TASP1: variants seen among roughly 807,000 people sequenced by gnomAD.
TASP1 encodes the protein taspase 1.
Under a neutral mutation model 56.6 loss-of-function variants are expected in TASP1, and 16 were observed. The observed-to-expected ratio is 0.28, with a 90% confidence interval of 0.19 to 0.43. The LOEUF (loss-of-function observed/expected upper bound fraction) is 0.43, where lower values mean the gene tolerates loss of function less well. Ranked by LOEUF, TASP1 falls within the 20% of genes least tolerant of loss-of-function variation. The probability of loss-of-function intolerance (pLI) is 1.00; values close to 1 mark genes in which losing one functional copy is unlikely to be tolerated. For synonymous variants in TASP1, 179 were observed against 184.2 expected, an observed-to-expected ratio of 0.97 and a Z score of 0.23; for missense variants, 393 against 511.6, an observed-to-expected ratio of 0.77 and a Z score of 2.24.
At chr20:13,207,852 C>T in the TASP1 span, among the ~76,000 whole-genome samples, 54 of 152,246 alleles carry the variant, frequency 3.5e-4, no homozygotes, top group East Asian at 9.6e-3. Flanking sequence ...TAAAATCAAT[C>T]ATCACATATC....
At chr20:13,604,812 T>C (rs1184585868) in intron 4 of TASP1, among the ~76,000 whole-genome samples, 17 of 152,136 alleles carry the variant, frequency 1.1e-4, no homozygotes. Context: ...GAAATCTGAA[T>C]GAATTATATA....
At chr20:13,330,334 C>T in the TASP1 span, among the ~76,000 whole-genome samples, 1 of 152,170 alleles carries the variant, frequency 6.6e-6, no homozygotes, top group Non-Finnish European at 1.5e-5. Context: ...TGTGGAATTA[C>T]ATTGATTGAT....
intron 11 of TASP1, among the ~76,000 whole-genome samples, chr20:13,439,353 G>T (rs1018901752): frequency 6.6e-6 from 1 of 152,192 alleles, no homozygotes; most frequent in Non-Finnish European, 1.5e-5. Flanking sequence ...CATGTCCTTT[G>T]CAGGGACATG....
chr20:13,492,048 GA>G (rs1022592066), intron 10 of TASP1, among the ~76,000 whole-genome samples: 7 of 152,264 alleles, frequency 4.6e-5, no homozygotes, highest in African/African-American at 1.7e-4. Flanking sequence ...CCCCAGAGGG[GA>G]AAAAGTGAAG....
At chr20:13,539,405 C>T (rs1471372671) in intron 8 of TASP1, among the ~76,000 whole-genome samples, 1 of 152,030 alleles carries the variant, frequency 6.6e-6, no homozygotes, top group Non-Finnish European at 1.5e-5. Context: ...AAAAACCCAG[C>T]CAGGCATGGT....
chr20:13,409,640 T>C (rs530482545), intron 13 of TASP1, among the ~76,000 whole-genome samples: 63 of 152,154 alleles, frequency 4.1e-4, no homozygotes, highest in Non-Finnish European at 8.7e-4. Flanking sequence ...GATGTGAATA[T>C]ACTCAATATC....
At chr20:13,303,639 C>A in the TASP1 span, among the ~76,000 whole-genome samples, 78 of 152,340 alleles carry the variant, frequency 5.1e-4, no homozygotes, top group African/African-American at 1.9e-3. Context: ...GGCCTGGACT[C>A]CAATCCTGAC....
rs1390421205 is a variant in TASP1, at chr20:13,580,777, C to T, written c.488+120G>A. 25 of 911,014 alleles carry T rather than the reference C, an allele frequency of 2.7e-5. No individual in the cohort carries two copies. The Middle Eastern group carries it at 6.7e-4, about 24-fold the overall frequency. 56.4% of individuals were successfully genotyped at this position (911,014 alleles called of 1,614,324 possible). A position where few individuals can be genotyped will look rare whatever the true frequency, so the allele number is the denominator to read the frequency against. ...AGCTGTACAAAATGTTCCAAGATCA[C>T]GGAACAAAGTTTGTCTTCTTCGCAA... is the stretch of plus-strand genomic sequence containing the variant. On this transcript the variant is annotated intron_variant, in intron 6 of 13. Transcript: ENST00000337743.
intron 13 of TASP1, among the ~76,000 whole-genome samples, chr20:13,398,847 T>TC (rs2123634085): frequency 6.6e-6 from 1 of 152,310 alleles, no homozygotes; most frequent in Non-Finnish European, 1.5e-5. Flanking sequence ...CAGTCGCCAC[T>TC]CCATTTCTTT....
the TASP1 span, among the ~76,000 whole-genome samples, chr20:13,160,510 T>C: frequency 1.3e-5 from 2 of 152,210 alleles, no homozygotes; most frequent in East Asian, 3.8e-4. Context: ...TAATAAAATA[T>C]GACCCAACTA....
chr20:13,359,769 G>T, the TASP1 span, among the ~76,000 whole-genome samples: 1 of 151,654 alleles, frequency 6.6e-6, no homozygotes, highest in South Asian at 2.1e-4. Flanking sequence ...ACTATTCCTG[G>T]ACTACAGCTA....
chr20:13,371,113 A>C, the TASP1 span, among the ~76,000 whole-genome samples: 1 of 151,786 alleles, frequency 6.6e-6, no homozygotes, highest in African/African-American at 2.4e-5. Flanking sequence ...CTTTTTGACA[A>C]ACCAACTTTT....
chr20:13,580,896 C>G lies in TASP1; in HGVS notation c.488+1G>C. The G allele has an allele frequency of 6.2e-7, 1 of 1,612,932 alleles. No individual in the cohort carries two copies. ...AAAGTCAGGAAGAACAAAGTGGTTA[C>G]CAGGGAGGAATTCTGCCAGCCGAGA... On this transcript the variant is annotated splice_donor_variant, in intron 6 of 13. Coordinates refer to ENST00000337743, the MANE Select transcript of TASP1 (RefSeq NM_017714.3). LOFTEE classifies it high-confidence loss of function.
the TASP1 span, among the ~76,000 whole-genome samples, chr20:13,159,284 G>A: frequency 1.3e-5 from 2 of 152,184 alleles, no homozygotes; most frequent in African/African-American, 2.4e-5. Flanking sequence ...GGTTCTCTGC[G>A]TGAACACTTC....
chr20:13,338,215 G>T, the TASP1 span, among the ~76,000 whole-genome samples: 2 of 152,238 alleles, frequency 1.3e-5, no homozygotes, highest in African/African-American at 2.4e-5. Flanking sequence ...GGAACTGAGG[G>T]TTTCTCCCCT....
intron 13 of TASP1, among the ~76,000 whole-genome samples, chr20:13,411,356 T>C (rs1024294926): frequency 6.6e-6 from 1 of 152,128 alleles, no homozygotes; most frequent in Non-Finnish European, 1.5e-5. Context: ...CTGTGGAAAA[T>C]ATCATTGGTA....
the TASP1 span, chr20:13,298,808 G>A: frequency 2.5e-6 from 2 of 802,166 alleles, no homozygotes; most frequent in Non-Finnish European, 3.9e-6. Flanking sequence ...AGGAGTTGTT[G>A]ACTTCAGGGA....
chr20:13,474,975 A>C (rs929292930), intron 11 of TASP1, among the ~76,000 whole-genome samples: 5 of 151,148 alleles, frequency 3.3e-5, no homozygotes, highest in Non-Finnish European at 7.4e-5. Context: ...TTTTGATAGG[A>C]TTTTTTTTTC....
the TASP1 span, among the ~76,000 whole-genome samples, chr20:13,190,633 G>A: frequency 0.019 from 2,826 of 152,184 alleles, 44 homozygotes; most frequent in Non-Finnish European, 0.03. Context: ...AAAACTACTA[G>A]AAGAAAACAT....
Sources: allele counts gnomAD v4.1 joint callset (sites outside exome capture counted in the v4.1 genomes callset), GRCh38; gene constraint gnomAD v4.1.1; transcripts MANE v1.5; gene names NCBI Gene and HGNC (gene_info 2026-07-23, HGNC 2026-07-21).